The following TFCP2L1 variants were observed in gnomAD, a reference collection of about 807,000 sequenced individuals.
TFCP2L1 encodes transcription factor CP2-like protein 1.
TFCP2L1 carries 12 observed loss-of-function variants against 72.2 expected under a neutral mutation model. The ratio of observed to expected loss-of-function variants is 0.17; its 90% CI spans 0.11 to 0.27. The LOEUF is 0.27. Among genes scored for constraint, TFCP2L1 ranks in the 10% least tolerant of loss-of-function variants. The pLI is 1.00. For synonymous variants in TFCP2L1, 260 were observed against 251.0 expected, an observed-to-expected ratio of 1.04 and a Z score of -0.34; for missense variants, 488 against 624.6, an observed-to-expected ratio of 0.78 and a Z score of 2.33.
chr2:121,235,365 C>T (rs1294926939), intron 10 of TFCP2L1, 54 bp from the exon 11 acceptor site: 16 of 1,585,118 alleles, frequency 1.0e-5, no homozygotes, highest in Admixed American at 5.0e-5. Context: ...AGAAAGGGCT[C>T]GGTCCCCAAC....
At chr2:121,225,748 G>A (rs970230704) in intron 13 of TFCP2L1, 135 bp from the exon 14 acceptor site, 1 of 878,014 alleles carries the variant, frequency 1.1e-6, no homozygotes, top group Non-Finnish European at 1.8e-6. Context: ...ACACACACAG[G>A]AACGCGGTAA....
chr2:121,232,114 TTTGTTTTG>T, intron 12 of TFCP2L1, 146 bp from the exon 13 acceptor site: 1 of 145,244 alleles, frequency 6.9e-6, no homozygotes, highest in South Asian at 8.8e-5. Flanking sequence ...CTCTTTTTGT[TTTGTTTTG>T]TTTTGTTTTG....
intron 2 of TFCP2L1, among the ~76,000 whole-genome samples, chr2:121,256,134 C>T (rs910466902): frequency 2.0e-5 from 3 of 152,168 alleles, no homozygotes; most frequent in Non-Finnish European, 4.4e-5. Flanking sequence ...CCTACTGCCC[C>T]ATGCCCTCAG....
rs1573346099 is a variant in TFCP2L1 at position 121,217,111 on chromosome 2, C to G, written c.*7230G>C. 6.6e-6 allele frequency: 1 copy of G among 152,264 alleles called. No homozygotes were observed. The highest frequency in any genetic ancestry group is 2.4e-5 in the African/African-American group (1 of 41,458). The allele number at this position is 152,264 out of a possible 1,614,324, so 9.4% of individuals were successfully genotyped here. A position where few individuals can be genotyped will look rare whatever the true frequency, so the allele number is the denominator to read the frequency against. ...GAGCATGAGATCTGCAAGTGGGATC[C>G]GGACTGGACACCAGGAAGCTCAACC... On this transcript the variant is annotated 3_prime_UTR_variant, in exon 15 of 15. Transcript: ENST00000263707.
At position 121,240,045 on chromosome 2, in the gene TFCP2L1, T is replaced by A. The variant is rs547581751; in HGVS notation, c.769-396A>T. ...TGTAAATGTCTGTTATAGGGAGTAC[T>A]GGACCACAGGCAACTTCCAAACAAA... On this transcript the variant is annotated intron_variant, in intron 7 of 14. Coordinates refer to ENST00000263707, the MANE Select transcript of TFCP2L1 (RefSeq NM_014553.3). 8 of 985,418 alleles carry A rather than the reference T, an allele frequency of 8.1e-6. No individual in the cohort carries two copies. The South Asian group carries it at 3.8e-4, about 46-fold the overall frequency. 61.0% of individuals were successfully genotyped at this position (985,418 alleles called of 1,614,324 possible). A position where few individuals can be genotyped will look rare whatever the true frequency, so the allele number is the denominator to read the frequency against.
intron 2 of TFCP2L1, among the ~76,000 whole-genome samples, chr2:121,253,326 G>A (rs774717024): frequency 1.3e-5 from 2 of 152,222 alleles, no homozygotes; most frequent in Non-Finnish European, 2.9e-5. Context: ...CCACTTGCCT[G>A]TTCAGGAGAT....
Position 121,285,167 on chromosome 2 carries a change from G to A in TFCP2L1, c.-58C>T, listed in dbSNP as rs1026227402. On this transcript the variant is annotated 5_prime_UTR_variant, in exon 1 of 15. Coordinates refer to ENST00000263707, the MANE Select transcript of TFCP2L1 (RefSeq NM_014553.3). ...GGCAGCAAGCGCAGACGCGGGGCGC[G>A]CCGAGGACCCAGCGGCGGCTTCGCG... 1.1e-5 allele frequency: 15 copies of A among 1,379,136 alleles called. No individual in the cohort carries two copies. Among genetic ancestry groups the A allele is most frequent in the South Asian group, 1.7e-5 (1 of 59,500 alleles). The allele number at this position is 1,379,136 out of a possible 1,614,324, so 85.4% of individuals were successfully genotyped here. A position where few individuals can be genotyped will look rare whatever the true frequency, so the allele number is the denominator to read the frequency against.
At chr2:121,284,037 G>A (rs1687316941) in intron 1 of TFCP2L1, among the ~76,000 whole-genome samples, 1 of 152,218 alleles carries the variant, frequency 6.6e-6, no homozygotes, top group South Asian at 2.1e-4. Context: ...TCTTCAGGGA[G>A]GACAAATACC....
intron 8 of TFCP2L1, among the ~76,000 whole-genome samples, chr2:121,239,229 C>T (rs977408939): frequency 6.6e-5 from 10 of 152,242 alleles, no homozygotes; most frequent in Non-Finnish European, 1.2e-4. Context: ...GCCCCCCAGA[C>T]AGCTGCTCCC....
At chr2:121,229,744 T>A (rs1053959070) in intron 13 of TFCP2L1, among the ~76,000 whole-genome samples, 1 of 152,210 alleles carries the variant, frequency 6.6e-6, no homozygotes, top group Non-Finnish European at 1.5e-5. Flanking sequence ...GGTATATGCA[T>A]CCCTGTTTTG....
At chr2:121,244,788 A>G (rs1686447509) in intron 6 of TFCP2L1, among the ~76,000 whole-genome samples, 1 of 152,180 alleles carries the variant, frequency 6.6e-6, no homozygotes, top group Non-Finnish European at 1.5e-5. Context: ...GACGGGGGCC[A>G]AGGCTGGCAG....
At chr2:121,257,330 AG>A (rs1451348390) in intron 2 of TFCP2L1, among the ~76,000 whole-genome samples, 1 of 150,888 alleles carries the variant, frequency 6.6e-6, no homozygotes, top group Non-Finnish European at 1.5e-5. Flanking sequence ...CTCCCGGGGG[AG>A]GGGTGGGGCT....
rs1160210336 is a variant in TFCP2L1, at chr2:121,219,784, T to G, written c.*4557A>C. On this transcript the variant is annotated 3_prime_UTR_variant, in exon 15 of 15. Coordinates refer to ENST00000263707, the MANE Select transcript of TFCP2L1 (RefSeq NM_014553.3). ...CCACGTCCAGCTTTTTGTACGATTT[T>G]GATGGAGGGAAAAATGGGAAAACCC... 6.6e-6 allele frequency: 1 copy of G among 152,188 alleles called. No individual in the cohort carries two copies. 9.4% of individuals were successfully genotyped at this position (152,188 alleles called of 1,614,324 possible).
At chr2:121,255,748 T>A (rs948861925) in intron 2 of TFCP2L1, among the ~76,000 whole-genome samples, 17 of 151,196 alleles carry the variant, frequency 1.1e-4, no homozygotes, top group Non-Finnish European at 2.4e-4. Flanking sequence ...TGAACTTATT[T>A]TTTTTTTTTT....
chr2:121,262,659 A>G (rs911284653), intron 2 of TFCP2L1, among the ~76,000 whole-genome samples: 2 of 152,190 alleles, frequency 1.3e-5, no homozygotes, highest in African/African-American at 4.8e-5. Flanking sequence ...GTAGCAGACA[A>G]CAGAATTCTA....
Position 121,246,977 on chromosome 2 carries a change from G to C in TFCP2L1, c.505-7C>G. 6.2e-7 allele frequency: 1 copy of C among 1,614,066 alleles called. No homozygotes were observed. Among genetic ancestry groups the C allele is most frequent in the Non-Finnish European group, 8.5e-7 (1 of 1,179,954 alleles). Reference sequence around the variant, plus strand: ...CTGTGCTGATGCAGTGTACCTGGGAGGAGAAACGTTGGGCAGGTGGCAAGG... The same window carrying C: ...CTGTGCTGATGCAGTGTACCTGGGACGAGAAACGTTGGGCAGGTGGCAAGG... On this transcript the variant is annotated splice_polypyrimidine_tract_variant and splice_region_variant and intron_variant, in intron 5 of 14. Coordinates refer to ENST00000263707, the MANE Select transcript of TFCP2L1 (RefSeq NM_014553.3).
chr2:121,260,630 C>T (rs544749506), intron 2 of TFCP2L1, among the ~76,000 whole-genome samples: 3 of 152,302 alleles, frequency 2.0e-5, no homozygotes, highest in South Asian at 4.1e-4. Flanking sequence ...AGCTGGGATA[C>T]ACCCCCAGGC....
In TFCP2L1 at chr2:121,223,750, GGCACAGAATA is replaced by G. The variant is rs1685970383; in HGVS notation, c.*581_*590del. The G allele has an allele frequency of 6.4e-6, 1 of 155,502 alleles. No homozygotes were observed. Among genetic ancestry groups the G allele is most frequent in the African/African-American group, 2.4e-5 (1 of 41,458 alleles). The allele number at this position is 155,502 out of a possible 1,614,324, so 9.6% of individuals were successfully genotyped here. ...CAACGTAGAGAAGAAAGAGGTAGAA[GGCACAGAATA>G]GCCCCACTCCCATCAATTCATCCAA... On this transcript the variant is annotated 3_prime_UTR_variant, in exon 15 of 15. Transcript: ENST00000263707.
At chr2:121,280,646 A>C (rs1687236964) in intron 2 of TFCP2L1, among the ~76,000 whole-genome samples, 1 of 151,678 alleles carries the variant, frequency 6.6e-6, no homozygotes, top group South Asian at 2.1e-4. Flanking sequence ...CTGTGATCCC[A>C]GCTACTTGGG....
Sources: allele counts gnomAD v4.1 joint callset (sites outside exome capture counted in the v4.1 genomes callset), GRCh38; gene constraint gnomAD v4.1.1; transcripts MANE v1.5; gene names NCBI Gene and HGNC (gene_info 2026-07-23, HGNC 2026-07-21).